Variants in BRD10 observed in about 807,000 individuals in gnomAD.
BRD10 encodes the protein uncharacterized bromodomain-containing protein 10.
chr9:5,971,928 T>C, the BRD10 span, among the ~76,000 whole-genome samples: 2 of 151,706 alleles, frequency 1.3e-5, no homozygotes, highest in African/African-American at 4.9e-5. Context: ...GAAAAAAAAA[T>C]CTTAAGAATT....
chr9:5,915,093 A>G, the BRD10 span, among the ~76,000 whole-genome samples: 2 of 152,258 alleles, frequency 1.3e-5, no homozygotes, highest in African/African-American at 2.4e-5. Context: ...TTTGTTCATG[A>G]TATTATTTGC....
At chr9:5,938,786 T>A in the BRD10 span, among the ~76,000 whole-genome samples, 3 of 152,190 alleles carry the variant, frequency 2.0e-5, no homozygotes, top group East Asian at 5.8e-4. Context: ...TTGTTAACCA[T>A]TAACGAGTTT....
At chr9:5,944,833 C>T in the BRD10 span, 1 of 964,522 alleles carries the variant, frequency 1.0e-6, no homozygotes. Flanking sequence ...AATTTTAATG[C>T]TGACAATAAT....
At chr9:5,902,940 C>G in the BRD10 span, among the ~76,000 whole-genome samples, 1 of 152,186 alleles carries the variant, frequency 6.6e-6, no homozygotes, top group Non-Finnish European at 1.5e-5. Flanking sequence ...TTCTTCTTCT[C>G]TAATATACAC....
chr9:5,932,547 T>G, the BRD10 span, among the ~76,000 whole-genome samples: 1 of 151,992 alleles, frequency 6.6e-6, no homozygotes, highest in African/African-American at 2.4e-5. Context: ...ATATTATAAG[T>G]AATACAGAGA....
At chr9:5,995,214 A>G in the BRD10 span, among the ~76,000 whole-genome samples, 3 of 152,156 alleles carry the variant, frequency 2.0e-5, no homozygotes, top group Admixed American at 6.5e-5. Context: ...TGCTACCACT[A>G]TTCAAAAGCT....
chr9:5,967,704 A>AAC, the BRD10 span, among the ~76,000 whole-genome samples: 3 of 151,218 alleles, frequency 2.0e-5, no homozygotes, highest in Non-Finnish European at 2.9e-5. Flanking sequence ...GAAAAAAAAA[A>AAC]AAAAAAACAC....
At chr9:5,908,753 A>G in the BRD10 span, 11 of 1,560,668 alleles carry the variant, frequency 7.0e-6, no homozygotes, top group Non-Finnish European at 9.7e-6. Flanking sequence ...TTTCTCTCAC[A>G]CTTTTGCTTG....
At chr9:5,978,349 G>T in the BRD10 span, among the ~76,000 whole-genome samples, 1 of 148,578 alleles carries the variant, frequency 6.7e-6, no homozygotes, top group Non-Finnish European at 1.5e-5. Context: ...ACACAAAGAG[G>T]TGAGAAAACA....
At chr9:5,912,000 A>G in the BRD10 span, among the ~76,000 whole-genome samples, 1 of 152,206 alleles carries the variant, frequency 6.6e-6, no homozygotes, top group African/African-American at 2.4e-5. Flanking sequence ...TTTAACAATA[A>G]TTGAGTCTTT....
chr9:5,954,270 A>C, the BRD10 span, among the ~76,000 whole-genome samples: 1 of 152,206 alleles, frequency 6.6e-6, no homozygotes, highest in Non-Finnish European at 1.5e-5. Context: ...TAAACTATTA[A>C]CTACCTGTTA....
the BRD10 span, among the ~76,000 whole-genome samples, chr9:5,899,474 A>C: frequency 6.6e-6 from 1 of 152,182 alleles, no homozygotes; most frequent in Non-Finnish European, 1.5e-5. Flanking sequence ...ACACCCACCG[A>C]GCATAGCCCT....
the BRD10 span, among the ~76,000 whole-genome samples, chr9:5,903,751 A>G: frequency 6.6e-6 from 1 of 152,178 alleles, no homozygotes; most frequent in Non-Finnish European, 1.5e-5. Context: ...GTTATGTAAT[A>G]TCCCTCTTTA....
At chr9:5,982,330 G>T in the BRD10 span, among the ~76,000 whole-genome samples, 1 of 152,042 alleles carries the variant, frequency 6.6e-6, no homozygotes, top group African/African-American at 2.4e-5. Context: ...AAACAAATGA[G>T]ATGATCCCTA....
At chr9:6,002,182 G>A in the BRD10 span, among the ~76,000 whole-genome samples, 3 of 152,176 alleles carry the variant, frequency 2.0e-5, no homozygotes, top group East Asian at 5.8e-4. Context: ...TAAACCTGTT[G>A]GGGGTGGGGA....
the BRD10 span, chr9:5,924,936 A>C: frequency 2.1e-6 from 2 of 942,676 alleles, no homozygotes; most frequent in East Asian, 2.9e-5. Flanking sequence ...CTACATATGG[A>C]AATATTTTTT....
the BRD10 span, among the ~76,000 whole-genome samples, chr9:5,942,089 G>C: frequency 1.3e-5 from 2 of 151,976 alleles, no homozygotes; most frequent in Non-Finnish European, 2.9e-5. Context: ...AATGAATGTT[G>C]ATAATAAAAG....
chr9:5,960,381 G>A, the BRD10 span, among the ~76,000 whole-genome samples: 1 of 152,078 alleles, frequency 6.6e-6, no homozygotes, highest in Non-Finnish European at 1.5e-5. Context: ...GGCCAACATG[G>A]TGAAATCTCA....
the BRD10 span, among the ~76,000 whole-genome samples, chr9:5,987,891 A>G: frequency 1.3e-5 from 2 of 152,162 alleles, 1 homozygote; most frequent in South Asian, 4.1e-4. Flanking sequence ...CCATTAATTG[A>G]GCACACTTTT....
Sources: allele counts gnomAD v4.1 joint callset (sites outside exome capture counted in the v4.1 genomes callset), GRCh38; gene constraint gnomAD v4.1.1; transcripts MANE v1.5; gene names NCBI Gene and HGNC (gene_info 2026-07-23, HGNC 2026-07-21).